The following RBFOX1 variants were observed in gnomAD, a reference collection of about 807,000 sequenced individuals.
The protein encoded by RBFOX1 is RNA binding protein fox-1 homolog 1.
Under a neutral mutation model 57.7 loss-of-function variants are expected in RBFOX1, and 8 were observed. The observed-to-expected ratio is 0.14, with a 90% CI of 0.08 to 0.25. The LOEUF is 0.25. RBFOX1 is among the 10% of genes least tolerant of loss of function. The probability of loss-of-function intolerance (pLI) is 1.00; values close to 1 mark genes in which losing one functional copy is unlikely to be tolerated. For missense variants in RBFOX1, 611 were observed against 548.5 expected, an observed-to-expected ratio of 1.11 and a Z score of -1.14; for synonymous variants, 326 against 222.4, an observed-to-expected ratio of 1.47 and a Z score of -4.15.
chr16:6,803,502 CTG>C (rs1380940698), intron 3 of RBFOX1, among the ~76,000 whole-genome samples: 4 of 152,140 alleles, frequency 2.6e-5, no homozygotes, highest in Non-Finnish European at 5.9e-5. Flanking sequence ...CCAGTGCAAT[CTG>C]TGTATAATCT....
At chr16:7,413,776 T>G (rs149399912) in intron 4 of RBFOX1, among the ~76,000 whole-genome samples, 111 of 152,304 alleles carry the variant, frequency 7.3e-4, no homozygotes, top group African/African-American at 2.6e-3. Context: ...AGTATTTTCC[T>G]TGTAGCTTTG....
intron 3 of RBFOX1, among the ~76,000 whole-genome samples, chr16:6,874,507 T>C (rs1367846151): frequency 1.9e-5 from 1 of 53,980 alleles, no homozygotes; most frequent in East Asian, 7.1e-4. Context: ...CAAGACTCCA[T>C]CTAAAAAAAA....
At chr16:7,430,326 CTGA>C (rs982885711) in intron 4 of RBFOX1, among the ~76,000 whole-genome samples, 1 of 152,114 alleles carries the variant, frequency 6.6e-6, no homozygotes, top group African/African-American at 2.4e-5. Context: ...CATCTTACTG[CTGA>C]TAATATTTTG....
intron 3 of RBFOX1, among the ~76,000 whole-genome samples, chr16:7,043,822 A>G (rs1303502681): frequency 1.3e-5 from 2 of 152,176 alleles, no homozygotes; most frequent in African/African-American, 4.8e-5. Context: ...GTCATATTCA[A>G]TTACTGCACT....
intron 9 of RBFOX1, among the ~76,000 whole-genome samples, chr16:7,603,447 G>A (rs2095141860): frequency 6.6e-6 from 1 of 152,098 alleles, no homozygotes; most frequent in Non-Finnish European, 1.5e-5. Context: ...AAAGAAAGAA[G>A]CTAAATCCAG....
intron 1 of RBFOX1, among the ~76,000 whole-genome samples, chr16:6,211,029 C>T (rs1244646679): frequency 2.6e-5 from 4 of 152,070 alleles, no homozygotes; most frequent in East Asian, 1.9e-4. Context: ...TTGGTTTTGA[C>T]ACTGAAGAAA....
intron 2 of RBFOX1, chr16:5,598,887 T>C: frequency 6.7e-7 from 1 of 1,492,084 alleles, no homozygotes; most frequent in Non-Finnish European, 8.9e-7. Context: ...TCTCTATTTG[T>C]TTGTTTTTTG....
intron 1 of RBFOX1, among the ~76,000 whole-genome samples, chr16:5,255,891 G>T (rs1273371647): frequency 6.6e-6 from 1 of 151,954 alleles, no homozygotes; most frequent in Non-Finnish European, 1.5e-5. Flanking sequence ...GTAAGTTACA[G>T]AAACTGTGCT....
At chr16:7,444,881 CAGAT>C (rs1032404452) in intron 4 of RBFOX1, among the ~76,000 whole-genome samples, 40 of 152,144 alleles carry the variant, frequency 2.6e-4, no homozygotes, top group African/African-American at 9.2e-4. Context: ...TGGGTGAATG[CAGAT>C]AGATAGACAG....
At chr16:6,959,931 C>A (rs186065594) in intron 3 of RBFOX1, among the ~76,000 whole-genome samples, 1 of 152,076 alleles carries the variant, frequency 6.6e-6, no homozygotes, top group Non-Finnish European at 1.5e-5. Flanking sequence ...AGCGAAACTC[C>A]ATCTCATAAA....
chr16:6,512,145 A>G (rs2096267252), intron 2 of RBFOX1, among the ~76,000 whole-genome samples: 1 of 151,670 alleles, frequency 6.6e-6, no homozygotes, highest in African/African-American at 2.4e-5. Context: ...TTCGCCAGGC[A>G]TGATGGTGCA....
chr16:6,691,657 C>G (rs2060226530), intron 3 of RBFOX1, among the ~76,000 whole-genome samples: 4 of 152,284 alleles, frequency 2.6e-5, no homozygotes, highest in Admixed American at 2.6e-4. Context: ...GTAAAATGAC[C>G]ATGGCAGGTA....
chr16:5,521,395 A>G (rs532614455), intron 2 of RBFOX1, among the ~76,000 whole-genome samples: 1 of 152,294 alleles, frequency 6.6e-6, no homozygotes, highest in Admixed American at 6.5e-5. Context: ...AAAAAAGATC[A>G]TTCCAGCCTT....
At chr16:6,195,293 C>G (rs1309142197) in intron 1 of RBFOX1, among the ~76,000 whole-genome samples, 2 of 152,182 alleles carry the variant, frequency 1.3e-5, no homozygotes, top group Non-Finnish European at 1.5e-5. Context: ...AGCATTTGTG[C>G]TGTGCCTCCA....
chr16:5,818,231 G>A (rs1002110826), intron 3 of RBFOX1, among the ~76,000 whole-genome samples: 1 of 152,184 alleles, frequency 6.6e-6, no homozygotes, highest in African/African-American at 2.4e-5. Flanking sequence ...GTGCCTCCAG[G>A]CATTGTGTAC....
intron 9 of RBFOX1, among the ~76,000 whole-genome samples, chr16:7,603,710 T>A (rs772296530): frequency 3.9e-5 from 6 of 152,172 alleles, no homozygotes; most frequent in Non-Finnish European, 5.9e-5. Flanking sequence ...AGTGTCACTG[T>A]AGCTGGGAGA....
intron 3 of RBFOX1, among the ~76,000 whole-genome samples, chr16:5,704,407 C>T (rs1596846831): frequency 6.6e-6 from 1 of 152,192 alleles, no homozygotes; most frequent in Middle Eastern, 3.4e-3. Context: ...CCACAACTCA[C>T]AGGGAGTGGT....
At chr16:7,302,683 A>G (rs2096062626) in intron 4 of RBFOX1, among the ~76,000 whole-genome samples, 2 of 152,042 alleles carry the variant, frequency 1.3e-5, no homozygotes, top group African/African-American at 4.8e-5. Context: ...TCTATATTAA[A>G]AAAATATGGC....
chr16:5,700,396 C>A (rs1427941610), intron 3 of RBFOX1, among the ~76,000 whole-genome samples: 1 of 151,974 alleles, frequency 6.6e-6, no homozygotes, highest in Non-Finnish European at 1.5e-5. Context: ...GCAGGTGGAT[C>A]TAAAATATTA....
Sources: allele counts gnomAD v4.1 joint callset (sites outside exome capture counted in the v4.1 genomes callset), GRCh38; gene constraint gnomAD v4.1.1; transcripts MANE v1.5; gene names NCBI Gene and HGNC (gene_info 2026-07-23, HGNC 2026-07-21).